Variants in HADHB observed in about 807,000 individuals in gnomAD.
HADHB encodes the protein trifunctional enzyme subunit beta, mitochondrial.
Under a neutral mutation model 61.9 loss-of-function variants are expected in HADHB, and 50 were observed. The observed-to-expected ratio is 0.81, with a 90% CI of 0.64 to 1.02. The LOEUF (loss-of-function observed/expected upper bound fraction) is 1.02. Ranked by LOEUF, HADHB falls within the 50% of genes least tolerant of loss-of-function variation. The pLI is 0.00. For missense variants in HADHB, 504 were observed against 586.5 expected (o/e 0.86, Z 1.45); for synonymous variants, 191 against 201.6 (o/e 0.95, Z 0.45).
chr2:26,280,611 G>T (rs1214132075), intron 10 of HADHB, among the ~76,000 whole-genome samples: 4 of 152,172 alleles, frequency 2.6e-5, no homozygotes, highest in Non-Finnish European at 5.9e-5. Context: ...CCAGCACTTT[G>T]GGAGGTTGAG....
At chr2:26,258,748 T>A (rs1469309229) in intron 3 of HADHB, among the ~76,000 whole-genome samples, 1 of 152,214 alleles carries the variant, frequency 6.6e-6, no homozygotes, top group African/African-American at 2.4e-5. Context: ...GGGTTGCCCC[T>A]CCTTGCTCAA....
At chr2:26,255,164 T>A (rs1163978396) in intron 3 of HADHB, among the ~76,000 whole-genome samples, 9 of 152,132 alleles carry the variant, frequency 5.9e-5, no homozygotes, top group Non-Finnish European at 1.3e-4. Flanking sequence ...TGCCTTTGAT[T>A]TTGGTTTTAT....
chr2:26,254,550 A>G, intron 3 of HADHB, 76 bp downstream of exon 3: 1 of 995,406 alleles, frequency 1.0e-6, no homozygotes, highest in South Asian at 1.3e-5. Context: ...AACTCTGAAT[A>G]AAAACCAAAA....
chr2:26,289,651 G>A (rs1017957454), intron 15 of HADHB, among the ~76,000 whole-genome samples: 3 of 152,010 alleles, frequency 2.0e-5, no homozygotes, highest in Non-Finnish European at 2.9e-5. Flanking sequence ...ATATATATGT[G>A]TGTGTATATA....
In HADHB at chr2:26,285,396, G is replaced by T. The variant is rs1372851658; in HGVS notation, c.1225-11G>T. 2 of 1,610,698 alleles carry T rather than the reference G, an allele frequency of 1.2e-6. No individual in the cohort carries two copies. Among genetic ancestry groups the T allele is most frequent in the African/African-American group, 1.3e-5 (1 of 74,926 alleles). On this transcript the variant is annotated splice_polypyrimidine_tract_variant and intron_variant, in intron 14 of 15. Transcript: ENST00000317799. ...AACTTATCTTTACATTTGTGTCTTT[G>T]GGGGAGCCAGGTTGGATTGCCTCCT...
rs1671065165 is a variant in HADHB at position 26,245,011 on chromosome 2, C to T, written c.-9+21C>T. 3.1e-5 allele frequency: 7 copies of T among 227,384 alleles called. No individual in the cohort carries two copies. The South Asian group carries it at 3.4e-4, about 11-fold the overall frequency. The allele number at this position is 227,384 out of a possible 1,614,324, so 14.1% of individuals were successfully genotyped here. Reference sequence around the variant, plus strand: ...CCAAGGTGAGACGGCGAGCCCTCAGCTCTCCGCCCGGGCTTTCCCAAAGGC... The same window carrying T: ...CCAAGGTGAGACGGCGAGCCCTCAGTTCTCCGCCCGGGCTTTCCCAAAGGC... On this transcript the variant is annotated intron_variant, in intron 1 of 15. Coordinates refer to ENST00000317799, the MANE Select transcript of HADHB (RefSeq NM_000183.3).
At chr2:26,249,305 G>A (rs1671293063) in intron 1 of HADHB, among the ~76,000 whole-genome samples, 1 of 151,946 alleles carries the variant, frequency 6.6e-6, no homozygotes, top group African/African-American at 2.4e-5. Context: ...AGGCTCAGGA[G>A]TTCGAGACCA....
chr2:26,250,282 G>T (rs1671348314), intron 1 of HADHB, among the ~76,000 whole-genome samples: 1 of 152,160 alleles, frequency 6.6e-6, no homozygotes, highest in Non-Finnish European at 1.5e-5. Flanking sequence ...GGGATTATAG[G>T]CATGAGCCAC....
rs111375379 is a variant in HADHB at position 26,249,454 on chromosome 2, T to A, written c.-9+4464T>A. On this transcript the variant is annotated intron_variant, in intron 1 of 15. Coordinates refer to ENST00000317799, the MANE Select transcript of HADHB (RefSeq NM_000183.3). ...TGAACCCAGGAGGCAGAGGTTGCAG[T>A]GAGCCAAGATCGCGCCGCTGTACTC... 6.3e-3 allele frequency among the ~76,000 whole-genome samples: 959 copies of A among 152,160 alleles called. 8 individuals are homozygous for A. Among genetic ancestry groups the A allele is most frequent in the African/African-American group, 0.022 (897 of 41,514 alleles).
chr2:26,255,070 G>T, intron 3 of HADHB: 1 of 156,128 alleles, frequency 6.4e-6, no homozygotes, highest in Non-Finnish European at 1.4e-5. Context: ...TCTGCTGTAG[G>T]TTTTTATCTT....
At chr2:26,279,926 T>C (rs1257133321) in intron 9 of HADHB, 68 bp from the exon 10 acceptor site, 4 of 1,185,236 alleles carry the variant, frequency 3.4e-6, no homozygotes, top group South Asian at 2.5e-5. Context: ...TTTTAAAGCA[T>C]ATTTCTGTGG....
intron 4 of HADHB, among the ~76,000 whole-genome samples, chr2:26,266,712 TC>T (rs1456735493): frequency 6.6e-6 from 1 of 151,050 alleles, no homozygotes; most frequent in Non-Finnish European, 1.5e-5. Flanking sequence ...AGACCCTATC[TC>T]TACTAAAAAT....
Position 26,290,132 on chromosome 2 carries a change from C to A in HADHB, c.*179C>A. The stretch of plus-strand genomic sequence containing the variant: ...CCAGTGTTCTGAGCTTTTCAATAAT[C>A]AGTTTACTGCTCTTTCAGGGATTTC... On this transcript the variant is annotated 3_prime_UTR_variant, in exon 16 of 16. Coordinates refer to ENST00000317799, the MANE Select transcript of HADHB (RefSeq NM_000183.3). The A allele has an allele frequency of 1.6e-6, 1 of 643,274 alleles. No individual in the cohort carries two copies. 39.8% of individuals were successfully genotyped at this position (643,274 alleles called of 1,614,324 possible). A position where few individuals can be genotyped will look rare whatever the true frequency, so the allele number is the denominator to read the frequency against.
intron 10 of HADHB, among the ~76,000 whole-genome samples, chr2:26,282,538 C>A (rs1386503805): frequency 6.6e-6 from 1 of 152,132 alleles, no homozygotes; most frequent in African/African-American, 2.4e-5. Context: ...GGATTACAGG[C>A]ATACAGGCAT....
chr2:26,285,694 G>A, intron 15 of HADHB, 123 bp downstream of exon 15: 1 of 585,902 alleles, frequency 1.7e-6, no homozygotes, highest in Non-Finnish European at 3.2e-6. Flanking sequence ...TGGGGAGTGG[G>A]GAGGGATAAC....
intron 1 of HADHB, among the ~76,000 whole-genome samples, chr2:26,253,925 C>T (rs1466675992): frequency 6.6e-6 from 1 of 151,648 alleles, no homozygotes; most frequent in Admixed American, 6.6e-5. Flanking sequence ...CTGCCACTCA[C>T]TAGTTGTAGG....
At position 26,282,990 on chromosome 2, in the gene HADHB, A is replaced by G. The variant is rs17528590; in HGVS notation, c.1014-14A>G. On this transcript the variant is annotated splice_polypyrimidine_tract_variant and intron_variant, in intron 11 of 15. Coordinates refer to ENST00000317799, the MANE Select transcript of HADHB (RefSeq NM_000183.3). ...TTTTATTACCAAAGCTCACCTCTCTATTTTTTTACCTAGGGATTTTATGTA... is the reference window on the plus strand; with the variant it reads ...TTTTATTACCAAAGCTCACCTCTCTGTTTTTTTACCTAGGGATTTTATGTA... The G allele has an allele frequency of 0.2, 321,686 of 1,603,832 alleles. 34,464 individuals are homozygous for G. The highest frequency in any genetic ancestry group is 0.26 in the Middle Eastern group (1,573 of 6,030).
At position 26,285,739 on chromosome 2, in the gene HADHB, G is replaced by GTTTTTT. The variant is rs766742523; in HGVS notation, c.1389+181_1389+186dup. 8.2e-3 allele frequency among the ~76,000 whole-genome samples: 536 copies of GTTTTTT among 65,056 alleles called. 151 individuals are homozygous for GTTTTTT. The highest frequency in any genetic ancestry group is 0.015 in the Admixed American group (79 of 5,218). 42.7% of individuals were successfully genotyped at this position (65,056 alleles called of 152,430 possible). ...TCTGATAAAACTTTTTGTTTTTTGG[G>GTTTTTT]TTTTTTTTTTTTTTTTTTGAGACAG... On this transcript the variant is annotated intron_variant, in intron 15 of 15. Coordinates refer to ENST00000317799, the MANE Select transcript of HADHB (RefSeq NM_000183.3).
At chr2:26,258,085 C>T (rs535515134) in intron 3 of HADHB, among the ~76,000 whole-genome samples, 4 of 152,060 alleles carry the variant, frequency 2.6e-5, no homozygotes, top group East Asian at 3.9e-4. Flanking sequence ...TTCTGGGAAC[C>T]GTGGGTTATG....
Sources: allele counts gnomAD v4.1 joint callset (sites outside exome capture counted in the v4.1 genomes callset), GRCh38; gene constraint gnomAD v4.1.1; transcripts MANE v1.5; gene names NCBI Gene and HGNC (gene_info 2026-07-23, HGNC 2026-07-21).